The following RBFOX1 variants were observed in gnomAD, a reference collection of about 807,000 sequenced individuals.
The protein encoded by RBFOX1 is RNA binding protein fox-1 homolog 1.
RBFOX1 carries 8 observed loss-of-function variants against 57.7 expected under a neutral mutation model. The observed-to-expected ratio is 0.14, with a 90% CI of 0.08 to 0.25. The LOEUF is 0.25. RBFOX1 is among the 10% of genes least tolerant of loss of function. The pLI is 1.00. For synonymous variants in RBFOX1, 326 were observed against 222.4 expected, an observed-to-expected ratio of 1.47 and a Z score of -4.15; for missense variants, 611 against 548.5, an observed-to-expected ratio of 1.11 and a Z score of -1.14.
intron 4 of RBFOX1, among the ~76,000 whole-genome samples, chr16:7,262,236 T>C (rs2094945522): frequency 6.6e-6 from 1 of 152,224 alleles, no homozygotes; most frequent in Non-Finnish European, 1.5e-5. Flanking sequence ...TTTTCATGCA[T>C]GCATAGCCTG....
chr16:5,543,072 C>T (rs974538154), intron 2 of RBFOX1, among the ~76,000 whole-genome samples: 1 of 152,172 alleles, frequency 6.6e-6, no homozygotes, highest in African/African-American at 2.4e-5. Context: ...AAGCATGGCT[C>T]TAGTCCCAGC....
intron 3 of RBFOX1, among the ~76,000 whole-genome samples, chr16:6,889,980 A>G (rs139134138): frequency 1.9e-4 from 29 of 152,360 alleles, no homozygotes; most frequent in African/African-American, 6.5e-4. Context: ...CAGGAGACCA[A>G]TGTGTTTATA....
intron 1 of RBFOX1, among the ~76,000 whole-genome samples, chr16:6,120,302 A>G (rs1433073925): frequency 6.6e-6 from 1 of 152,198 alleles, no homozygotes. Flanking sequence ...TAGGAGTGGA[A>G]TTGCTGGATC....
intron 3 of RBFOX1, among the ~76,000 whole-genome samples, chr16:6,945,655 A>T (rs959432758): frequency 9.2e-5 from 14 of 151,982 alleles, no homozygotes; most frequent in Middle Eastern, 3.4e-3. Flanking sequence ...CTTTGGGAGG[A>T]CGAGGTGGGT....
intron 3 of RBFOX1, among the ~76,000 whole-genome samples, chr16:6,747,389 A>G (rs1421154717): frequency 6.6e-6 from 1 of 151,068 alleles, no homozygotes; most frequent in African/African-American, 2.4e-5. Flanking sequence ...ACTGGGCGAC[A>G]GAGTGAGACT....
At chr16:6,872,805 A>G (rs1192618464) in intron 3 of RBFOX1, among the ~76,000 whole-genome samples, 1 of 152,206 alleles carries the variant, frequency 6.6e-6, no homozygotes, top group African/African-American at 2.4e-5. Context: ...ATGCCTTCGA[A>G]CAAAATGGTT....
intron 1 of RBFOX1, among the ~76,000 whole-genome samples, chr16:5,317,121 G>A (rs544871389): frequency 6.6e-6 from 1 of 152,254 alleles, no homozygotes; most frequent in South Asian, 2.1e-4. Flanking sequence ...TGGTTTTCCA[G>A]CATGTAGACA....
intron 4 of RBFOX1, among the ~76,000 whole-genome samples, chr16:7,383,576 T>G (rs1268012010): frequency 6.6e-6 from 1 of 152,128 alleles, no homozygotes; most frequent in African/African-American, 2.4e-5. Context: ...CTCCTTATTA[T>G]CCATTTCCCA....
At chr16:6,034,331 CAAAAAAAAA>C (rs757260576) in intron 1 of RBFOX1, among the ~76,000 whole-genome samples, 7 of 37,134 alleles carry the variant, frequency 1.9e-4, no homozygotes, top group African/African-American at 4.4e-4. Context: ...GACTGTTGCG[CAAAAAAAAA>C]AAAAAAAAAA....
chr16:5,955,747 G>C (rs1474769842), intron 4 of RBFOX1, among the ~76,000 whole-genome samples: 2 of 152,066 alleles, frequency 1.3e-5, no homozygotes, highest in East Asian at 3.9e-4. Context: ...ACACAAAATG[G>C]AAATATTAGT....
At chr16:7,330,484 GTGTGTGTGTGTGTGTGTGTGTGTGTT>G (rs1376773912) in intron 4 of RBFOX1, among the ~76,000 whole-genome samples, 13 of 109,256 alleles carry the variant, frequency 1.2e-4, no homozygotes, top group African/African-American at 3.6e-4. Context: ...GTGTGTGTGT[GTGTGTGTGTGTGTGTGTGTGTGTGTT>G]TGTGTGTGTG....
intron 14 of RBFOX1, among the ~76,000 whole-genome samples, chr16:7,678,350 A>T (rs981486837): frequency 5.3e-5 from 8 of 152,200 alleles, no homozygotes; most frequent in Admixed American, 2.0e-4. Flanking sequence ...AAAAATGATG[A>T]CAATCTTGAA....
At chr16:5,354,194 G>A (rs930804314) in intron 1 of RBFOX1, among the ~76,000 whole-genome samples, 5 of 152,118 alleles carry the variant, frequency 3.3e-5, no homozygotes, top group South Asian at 4.2e-4. Flanking sequence ...TGTTCCTGTC[G>A]GCCTTGGCTG....
At chr16:7,025,965 T>G (rs1241449638) in intron 3 of RBFOX1, among the ~76,000 whole-genome samples, 3 of 152,124 alleles carry the variant, frequency 2.0e-5, no homozygotes, top group Admixed American at 6.6e-5. Context: ...AGGTCTAGAA[T>G]GGGCTGGTGC....
chr16:6,998,425 C>T (rs1031910761), intron 3 of RBFOX1, among the ~76,000 whole-genome samples: 1 of 152,002 alleles, frequency 6.6e-6, no homozygotes. Context: ...CAGTGAGACA[C>T]AGAATGGTTT....
chr16:5,534,600 A>T (rs2044621863), intron 2 of RBFOX1, among the ~76,000 whole-genome samples: 1 of 152,186 alleles, frequency 6.6e-6, no homozygotes, highest in African/African-American at 2.4e-5. Context: ...TCAGCAAGCC[A>T]GTTTATCCCA....
At chr16:6,884,189 C>T (rs2063507779) in intron 3 of RBFOX1, among the ~76,000 whole-genome samples, 1 of 152,192 alleles carries the variant, frequency 6.6e-6, no homozygotes, top group Non-Finnish European at 1.5e-5. Context: ...GCTCACAGGG[C>T]ATGCTTCCTG....
In RBFOX1 at chr16:6,860,967, A is replaced by T. The variant is rs528163650; in HGVS notation, c.-15-191090A>T. Among the ~76,000 whole-genome samples, 21 of 152,278 alleles carry T rather than the reference A, an allele frequency of 1.4e-4. No homozygotes were observed. In the South Asian group the frequency reaches 4.1e-3, roughly 30 times the overall value. On this transcript the variant is annotated intron_variant, in intron 3 of 15. Coordinates refer to ENST00000550418, the MANE Select transcript of RBFOX1 (RefSeq NM_018723.4). ...CTTGGGGTCTATGCATATATGGTAA[A>T]ACGAGATAGAGCTATGTGGGAATGA...
intron 5 of RBFOX1, among the ~76,000 whole-genome samples, chr16:7,521,360 T>C (rs954510743): frequency 2.6e-5 from 4 of 152,156 alleles, no homozygotes; most frequent in Non-Finnish European, 5.9e-5. Flanking sequence ...AATTCCACGT[T>C]ATAAGCAATG....
Sources: gnomAD v4.1 joint callset for allele counts (sites outside exome capture counted in the v4.1 genomes callset) on GRCh38, gnomAD v4.1.1 for gene constraint, MANE v1.5 for transcripts, NCBI Gene and HGNC (gene_info 2026-07-23, HGNC 2026-07-21) for gene names.